RYR3: variants seen among roughly 807,000 people sequenced by gnomAD.
The protein encoded by RYR3 is brain ryanodine receptor-calcium release channel.
A neutral mutation model predicts 584.3 loss-of-function variants in RYR3; 207 were observed. That is an observed-to-expected ratio of 0.35 (90% confidence interval 0.32 to 0.40). RYR3 has a LOEUF of 0.40. Ranked by LOEUF, RYR3 falls within the 10% of genes least tolerant of loss-of-function variation. RYR3 has a pLI of 1.00. For synonymous variants in RYR3, 2,416 were observed against 2,248.5 expected, an observed-to-expected ratio of 1.07 and a Z score of -2.11; for missense variants, 5,616 against 6,089.2, an observed-to-expected ratio of 0.92 and a Z score of 2.59.
At chr15:33,456,800 G>A in intron 1 of RYR3, among the ~76,000 whole-genome samples, 1 of 152,090 alleles carries the variant, frequency 6.6e-6, no homozygotes, top group East Asian at 1.9e-4. Context: ...GAAATCATCA[G>A]AGCAACAATA....
chr15:33,581,673 G>A, intron 14 of RYR3, 30 bp downstream of exon 14: 1 of 1,601,372 alleles, frequency 6.2e-7, no homozygotes, highest in African/African-American at 1.3e-5. Context: ...CTTCTCCCTG[G>A]GATGATTTCC....
intron 40 of RYR3, among the ~76,000 whole-genome samples, chr15:33,699,089 C>A (rs2066072050): frequency 6.6e-6 from 1 of 152,130 alleles, no homozygotes. Context: ...TTATCAATGA[C>A]AAAAGTAGTC....
At chr15:33,332,202 A>G (rs1167592820) in intron 1 of RYR3, among the ~76,000 whole-genome samples, 1 of 152,144 alleles carries the variant, frequency 6.6e-6, no homozygotes, top group African/African-American at 2.4e-5. Flanking sequence ...AAAGATTCTC[A>G]GAATGGATAC....
At chr15:33,341,374 G>A (rs1443867400) in intron 1 of RYR3, among the ~76,000 whole-genome samples, 2 of 151,960 alleles carry the variant, frequency 1.3e-5, no homozygotes, top group African/African-American at 4.8e-5. Context: ...CATGTTTTCA[G>A]ATGCTGCTGC....
At chr15:33,801,303 T>C (rs1042105595) in intron 68 of RYR3, among the ~76,000 whole-genome samples, 3 of 152,222 alleles carry the variant, frequency 2.0e-5, no homozygotes, top group Admixed American at 6.5e-5. Context: ...ATTCTTATTA[T>C]GCAGATGAAG....
intron 102 of RYR3, among the ~76,000 whole-genome samples, chr15:33,862,811 G>A (rs536418421): frequency 3.3e-5 from 5 of 152,158 alleles, no homozygotes; most frequent in African/African-American, 7.2e-5. Context: ...GGGTTTCACC[G>A]TGTTGGCCAA....
intron 94 of RYR3, chr15:33,851,555 TA>T (rs1438842970): frequency 6.6e-6 from 1 of 152,154 alleles, no homozygotes; most frequent in Non-Finnish European, 1.5e-5. Flanking sequence ...TCGTAACAAG[TA>T]AAAAATCTGT....
intron 1 of RYR3, among the ~76,000 whole-genome samples, chr15:33,361,899 AG>A (rs1974817191): frequency 6.6e-6 from 1 of 152,200 alleles, no homozygotes; most frequent in African/African-American, 2.4e-5. Context: ...GCTTGTTGTC[AG>A]GAAACCATAC....
chr15:33,643,819 C>T (rs2061958438), intron 27 of RYR3, among the ~76,000 whole-genome samples: 1 of 152,108 alleles, frequency 6.6e-6, no homozygotes, highest in African/African-American at 2.4e-5. Flanking sequence ...AAAAAGGCTG[C>T]TACAGTGCAG....
In RYR3 at chr15:33,725,178, C is replaced by CACACACACACACACATATAT. The variant is rs1362666393; in HGVS notation, c.6912+1017_6912+1018insTATATACACACACACACACA. On this transcript the variant is annotated intron_variant, in intron 45 of 103. Coordinates refer to ENST00000634891, the MANE Select transcript of RYR3 (RefSeq NM_001036.6). ...TTACACACACACACACACACACACA[C>CACACACACACACACATATAT]ACACACACACACACACACACACACA... is the stretch of plus-strand genomic sequence containing the variant. Among the ~76,000 whole-genome samples, 3 of 120,940 alleles carry CACACACACACACACATATAT rather than the reference C, an allele frequency of 2.5e-5. No individual in the cohort carries two copies. In the East Asian group the frequency reaches 1.3e-3, roughly 51 times the overall value. The allele number at this position is 120,940 out of a possible 152,430, so 79.3% of individuals were successfully genotyped here.
intron 12 of RYR3, among the ~76,000 whole-genome samples, chr15:33,573,698 T>C (rs8041071): frequency 0.023 from 3,484 of 152,278 alleles, 145 homozygotes; most frequent in African/African-American, 0.079. Context: ...CCTAAGAATA[T>C]AGTGGGACAG....
In RYR3 at chr15:33,817,015, T is replaced by C. The variant is rs915603832; in HGVS notation, c.10599+57T>C. ...AGTGTGGATGAATTTGATTTTCGAA[T>C]TCATGTGTGTGGTTGTAACAGTTAA... On this transcript the variant is annotated intron_variant, in intron 75 of 103. Coordinates refer to ENST00000634891, the MANE Select transcript of RYR3 (RefSeq NM_001036.6). 10 of 1,017,910 alleles carry C rather than the reference T, an allele frequency of 9.8e-6. No homozygotes were observed. In the African/African-American group the frequency reaches 1.3e-4, roughly 13 times the overall value. The allele number at this position is 1,017,910 out of a possible 1,614,324, so 63.1% of individuals were successfully genotyped here.
At chr15:33,445,408 G>A (rs570914370) in intron 1 of RYR3, among the ~76,000 whole-genome samples, 10 of 152,256 alleles carry the variant, frequency 6.6e-5, no homozygotes, top group Non-Finnish European at 1.0e-4. Flanking sequence ...ACAAAATGGC[G>A]AGATCTGTTT....
intron 3 of RYR3, among the ~76,000 whole-genome samples, chr15:33,530,303 A>G (rs1417503796): frequency 6.6e-6 from 1 of 152,110 alleles, no homozygotes; most frequent in Non-Finnish European, 1.5e-5. Flanking sequence ...TACCTATGTC[A>G]CTTACATGCT....
chr15:33,328,030 T>C (rs901597407), intron 1 of RYR3, among the ~76,000 whole-genome samples: 10 of 152,230 alleles, frequency 6.6e-5, no homozygotes, highest in African/African-American at 2.4e-4. Flanking sequence ...TGTGTCTGTA[T>C]GTGTGCCTGA....
intron 47 of RYR3, among the ~76,000 whole-genome samples, chr15:33,730,948 G>A (rs2068895302): frequency 6.6e-6 from 1 of 152,188 alleles, no homozygotes; most frequent in South Asian, 2.1e-4. Flanking sequence ...TAACTGAAAG[G>A]AGTCAGAGTT....
At chr15:33,845,581 A>G (rs894977818) in intron 93 of RYR3, among the ~76,000 whole-genome samples, 28 of 152,068 alleles carry the variant, frequency 1.8e-4, no homozygotes, top group Admixed American at 1.2e-3. Context: ...AGAATCTACC[A>G]CTTAGCATGA....
intron 1 of RYR3, among the ~76,000 whole-genome samples, chr15:33,387,355 G>A (rs544651624): frequency 6.6e-6 from 1 of 152,242 alleles, no homozygotes; most frequent in South Asian, 2.1e-4. Context: ...CCCAGAAGTG[G>A]ACTTGCTGGA....
chr15:33,840,200 G>A (rs530265943), intron 89 of RYR3, among the ~76,000 whole-genome samples: 2 of 152,274 alleles, frequency 1.3e-5, no homozygotes, highest in East Asian at 3.9e-4. Context: ...TGAAAAGCTG[G>A]GGCAGGCATA....
Sources: gnomAD v4.1 joint callset for allele counts (sites outside exome capture counted in the v4.1 genomes callset) on GRCh38, gnomAD v4.1.1 for gene constraint, MANE v1.5 for transcripts, NCBI Gene and HGNC (gene_info 2026-07-23, HGNC 2026-07-21) for gene names.